Variants in TCERG1 observed in about 807,000 individuals in gnomAD.
The protein encoded by TCERG1 is TATA box binding protein (TBP)-associated factor, RNA polymerase II, S, 150kD.
A neutral mutation model predicts 144.7 loss-of-function variants in TCERG1; 37 were observed. That is an observed-to-expected ratio of 0.26 (90% CI 0.20 to 0.34). The LOEUF (loss-of-function observed/expected upper bound fraction) is 0.34. Ranked by LOEUF, TCERG1 falls within the 10% of genes least tolerant of loss-of-function variation. TCERG1 has a pLI of 1.00. For missense variants in TCERG1, 1,027 were observed against 1,380.7 expected (o/e 0.74, Z 4.06); for synonymous variants, 492 against 458.2 (o/e 1.07, Z -0.94).
chr5:146,453,645 GTGT>G (rs1762548542), intron 1 of TCERG1, among the ~76,000 whole-genome samples: 1 of 152,088 alleles, frequency 6.6e-6, no homozygotes, highest in African/African-American at 2.4e-5. Context: ...AGTTAAAATT[GTGT>G]TGTTATTGGC....
chr5:146,456,844 A>G (rs556086516), intron 2 of TCERG1, among the ~76,000 whole-genome samples: 1 of 152,346 alleles, frequency 6.6e-6, no homozygotes, highest in South Asian at 2.1e-4. Context: ...CTGTGGAGAC[A>G]GTGATGTGCC....
chr5:146,453,483 G>A (rs73315013), intron 1 of TCERG1, among the ~76,000 whole-genome samples: 1 of 152,116 alleles, frequency 6.6e-6, no homozygotes. Flanking sequence ...TAAGAATAGA[G>A]ATATTATTTT....
At chr5:146,482,267 A>C in intron 13 of TCERG1, 2 of 164,572 alleles carry the variant, frequency 1.2e-5, no homozygotes, top group East Asian at 1.8e-4. Flanking sequence ...ATAGAGGTTT[A>C]CTGCAGTGTT....
Position 146,507,011 on chromosome 5 carries a change from T to G in TCERG1, c.2782-17T>G. 2 of 1,550,882 alleles carry G rather than the reference T, an allele frequency of 1.3e-6. No homozygotes were observed. Among genetic ancestry groups the G allele is most frequent in the Non-Finnish European group, 1.7e-6 (2 of 1,154,910 alleles). ...ATAAGTCTCTTTGGTGATATATATA[T>G]AATTTTTTCTCTTCAGGTACGTTCT... On this transcript the variant is annotated splice_polypyrimidine_tract_variant and intron_variant, in intron 19 of 22. Transcript: ENST00000679501. The surrounding 1 kb of genome is among the most constrained non-coding windows in gnomAD (Gnocchi z 4.6).
At chr5:146,463,891 C>A in intron 5 of TCERG1, 98 bp downstream of exon 5, 1 of 1,525,908 alleles carries the variant, frequency 6.6e-7, no homozygotes, top group Non-Finnish European at 8.9e-7. Flanking sequence ...TGCCTTGAAT[C>A]TCACCTGTTT....
intron 4 of TCERG1, among the ~76,000 whole-genome samples, chr5:146,461,064 T>C (rs536140584): frequency 6.6e-6 from 1 of 152,284 alleles, no homozygotes; most frequent in East Asian, 1.9e-4. Context: ...CGTTTTGTTT[T>C]AGGAAAGGTG....
chr5:146,460,219 G>GA (rs1261873054), intron 4 of TCERG1, among the ~76,000 whole-genome samples: 1 of 152,104 alleles, frequency 6.6e-6, no homozygotes, highest in East Asian at 1.9e-4. Context: ...CTGAAAAGGT[G>GA]AGAGTCGATT....
At chr5:146,468,647 T>C (rs924527621) in intron 6 of TCERG1, among the ~76,000 whole-genome samples, 8 of 152,220 alleles carry the variant, frequency 5.3e-5, no homozygotes, top group African/African-American at 1.2e-4. Context: ...TCTTAATTTA[T>C]GTAATAAGTG....
At chr5:146,473,692 A>C (rs1389886348) in intron 9 of TCERG1, among the ~76,000 whole-genome samples, 2 of 152,120 alleles carry the variant, frequency 1.3e-5, no homozygotes, top group South Asian at 4.1e-4. Context: ...CGTTAAATCT[A>C]CTCTGCTTGT....
At chr5:146,454,468 T>TA (rs1390851654) in intron 1 of TCERG1, among the ~76,000 whole-genome samples, 1 of 150,890 alleles carries the variant, frequency 6.6e-6, no homozygotes, top group Non-Finnish European at 1.5e-5. Context: ...AGCATGTGGG[T>TA]AAATACTTTA....
chr5:146,503,405 A>G lies in TCERG1; in HGVS notation c.2464A>G (p.Asn822Asp), dbSNP rs755292554. 7 of 1,613,608 alleles carry G rather than the reference A, an allele frequency of 4.3e-6. No individual in the cohort carries two copies. In the Admixed American group the frequency reaches 1.0e-4, roughly 23 times the overall value. The part of the protein sequence containing the change: ...IKSDFFELLS[N>D]HHLDSQSRWS... ...ATCGGATTTCTTTGAACTATTATCT[A>G]ATCATCACTTGGACAGTCAGTCTCG... Residue 822 changes from asparagine to aspartate, a missense_variant, in exon 18 of 23, where the codon AAT (asparagine) becomes GAT (aspartate). By Grantham distance (23) the Asn-to-Asp change is conservative (BLOSUM62 1). This residue lies in a region of TCERG1 where 482 missense variants were observed against 632.6 expected (regional missense o/e 0.76). Transcript: ENST00000679501.
intron 22 of TCERG1, 65 bp downstream of exon 22, chr5:146,509,310 A>G (rs976397584): frequency 4.5e-6 from 5 of 1,110,828 alleles, no homozygotes; most frequent in African/African-American, 3.2e-5. Flanking sequence ...TCTAATGGTC[A>G]GAGCATTCTT....
Position 146,507,848 on chromosome 5 carries a change from GT to G in TCERG1, c.2962-19del, listed in dbSNP as rs757803127. 1 of 1,555,452 alleles carries G rather than the reference GT, an allele frequency of 6.4e-7. No individual in the cohort carries two copies. Among genetic ancestry groups the G allele is most frequent in the South Asian group, 1.1e-5 (1 of 87,372 alleles). On this transcript the variant is annotated intron_variant, in intron 20 of 22. Coordinates refer to ENST00000679501, the MANE Select transcript of TCERG1 (RefSeq NM_001382548.1). The surrounding 1 kb of genome is among the most constrained non-coding windows in gnomAD (Gnocchi z 4.6). ...CTAAGTAAAAGTGAGTTGTATTTAT[GT>G]TTTTTATTCATGTCTTTTCAAAGAT...
At chr5:146,468,258 T>C (rs947354499) in intron 5 of TCERG1, 83 bp from the exon 6 acceptor site, 6 of 1,056,140 alleles carry the variant, frequency 5.7e-6, no homozygotes, top group Middle Eastern at 2.1e-4. Flanking sequence ...TAAATTGTAG[T>C]GGTAAATTAT....
Position 146,510,702 on chromosome 5 carries a change from G to A in TCERG1, c.*60G>A. 1 of 1,542,524 alleles carries A rather than the reference G, an allele frequency of 6.5e-7. No homozygotes were observed. Among genetic ancestry groups the A allele is most frequent in the African/African-American group, 1.4e-5 (1 of 72,240 alleles). On this transcript the variant is annotated 3_prime_UTR_variant, in exon 23 of 23. Transcript: ENST00000679501. ...AATGCTTGCATGAGCCAATTTTCAG[G>A]TTTTTACATATATGTGCATTAGTCA...
intron 7 of TCERG1, among the ~76,000 whole-genome samples, chr5:146,470,039 C>G (rs913197115): frequency 1.3e-5 from 2 of 152,014 alleles, no homozygotes; most frequent in African/African-American, 4.8e-5. Context: ...TTGTAATCAT[C>G]ATTGAGATTG....
At position 146,507,219 on chromosome 5, in the gene TCERG1, T is replaced by C. The variant is rs1238124590; in HGVS notation, c.2961+12T>C. On this transcript the variant is annotated intron_variant, in intron 20 of 22. Coordinates refer to ENST00000679501, the MANE Select transcript of TCERG1 (RefSeq NM_001382548.1). This position sits in a 1 kb window ranked among gnomAD's most constrained non-coding sequence, Gnocchi z 4.6. ...ATGAAACTTCTGCAGTAAGAATCTC[T>C]TATTTTTCTCATTTTAATCTGGATG... The C allele has an allele frequency of 1.3e-6, 2 of 1,561,626 alleles. No homozygotes were observed. The highest frequency in any genetic ancestry group is 1.7e-6 in the Non-Finnish European group (2 of 1,159,108).
intron 15 of TCERG1, among the ~76,000 whole-genome samples, 160 bp downstream of exon 15, chr5:146,483,789 T>C (rs901447743): frequency 2.6e-5 from 4 of 152,168 alleles, no homozygotes; most frequent in African/African-American, 9.6e-5. Flanking sequence ...TGGACATTTC[T>C]ACTTCAAAAT....
intron 10 of TCERG1, among the ~76,000 whole-genome samples, chr5:146,479,368 G>C (rs1022537985): frequency 4.6e-5 from 7 of 152,068 alleles, no homozygotes; most frequent in African/African-American, 1.7e-4. Flanking sequence ...TATATATGCT[G>C]AATTATAAGT....
Sources: allele counts gnomAD v4.1 joint callset (sites outside exome capture counted in the v4.1 genomes callset), GRCh38; gene constraint gnomAD v4.1.1; regional missense constraint gnomAD v4.1.1; non-coding constraint Gnocchi (gnomAD v3.1); transcripts MANE v1.5; gene names NCBI Gene and HGNC (gene_info 2026-07-23, HGNC 2026-07-21).